Variants in NOX4 observed in about 807,000 individuals in gnomAD.
NOX4 encodes the protein kidney oxidase-1.
A neutral mutation model predicts 87.6 loss-of-function variants in NOX4; 69 were observed. The ratio of observed to expected loss-of-function variants is 0.79; its 90% confidence interval spans 0.65 to 0.96. NOX4 has a LOEUF of 0.96. NOX4 is among the 40% of genes least tolerant of loss of function. The probability of loss-of-function intolerance (pLI) is 0.00; values close to 1 mark genes in which losing one functional copy is unlikely to be tolerated. For missense variants in NOX4, 680 were observed against 681.5 expected, an observed-to-expected ratio of 1.00 and a Z score of 0.02; for synonymous variants, 275 against 238.2, an observed-to-expected ratio of 1.15 and a Z score of -1.42.
At chr11:89,450,679 G>C (rs1208270414) in intron 3 of NOX4, among the ~76,000 whole-genome samples, 1 of 151,238 alleles carries the variant, frequency 6.6e-6, no homozygotes, top group South Asian at 2.1e-4. Context: ...CCGTTAACTC[G>C]TCATTTAGCA....
chr11:89,471,113 A>C (rs1945920695), intron 2 of NOX4, among the ~76,000 whole-genome samples: 1 of 152,140 alleles, frequency 6.6e-6, no homozygotes, highest in Admixed American at 6.6e-5. Flanking sequence ...CCTTTTACAT[A>C]TATTTAGACA....
At chr11:89,453,533 A>G (rs1945057982) in intron 2 of NOX4, among the ~76,000 whole-genome samples, 1 of 152,208 alleles carries the variant, frequency 6.6e-6, no homozygotes, top group Non-Finnish European at 1.5e-5. Flanking sequence ...TTATGTTCAT[A>G]CTAAAACAAA....
intron 2 of NOX4, among the ~76,000 whole-genome samples, chr11:89,486,172 T>C (rs191083264): frequency 9.4e-4 from 138 of 147,446 alleles, no homozygotes; most frequent in African/African-American, 3.1e-3. Context: ...GTAAATACTT[T>C]CACCTTCATT....
the NOX4 span, among the ~76,000 whole-genome samples, chr11:89,562,033 T>C: frequency 6.6e-6 from 1 of 152,140 alleles, no homozygotes; most frequent in Non-Finnish European, 1.5e-5. Flanking sequence ...TTTTGTTAGA[T>C]AAACAGCAAT....
At chr11:89,449,817 C>T (rs991210067) in intron 3 of NOX4, among the ~76,000 whole-genome samples, 1 of 151,996 alleles carries the variant, frequency 6.6e-6, no homozygotes, top group East Asian at 1.9e-4. Context: ...ACACTAATGG[C>T]ATTAGATGTT....
the NOX4 span, among the ~76,000 whole-genome samples, chr11:89,571,026 C>T: frequency 2.0e-5 from 3 of 152,208 alleles, no homozygotes; most frequent in Admixed American, 6.5e-5. Flanking sequence ...TGCTCAGTTA[C>T]GTTCATGAAA....
intron 11 of NOX4, among the ~76,000 whole-genome samples, chr11:89,377,960 T>C (rs1330319309): frequency 6.6e-6 from 1 of 152,110 alleles, no homozygotes; most frequent in Non-Finnish European, 1.5e-5. Flanking sequence ...TTCTCCTAAT[T>C]CCCATATATC....
intron 13 of NOX4, among the ~76,000 whole-genome samples, chr11:89,345,355 T>G (rs1227816737): frequency 6.6e-6 from 1 of 152,142 alleles, no homozygotes; most frequent in Non-Finnish European, 1.5e-5. Flanking sequence ...GTTTTTGACT[T>G]TATGATGGAG....
intron 12 of NOX4, among the ~76,000 whole-genome samples, chr11:89,367,142 C>G (rs1179235618): frequency 2.0e-5 from 3 of 152,106 alleles, no homozygotes; most frequent in African/African-American, 7.2e-5. Flanking sequence ...TCCACATAGA[C>G]TCACAAGAGG....
the NOX4 span, among the ~76,000 whole-genome samples, chr11:89,506,756 T>A: frequency 4.6e-5 from 7 of 151,754 alleles, no homozygotes; most frequent in Admixed American, 4.6e-4. Context: ...AATAGTCCAA[T>A]GAAAAATACA....
Position 89,382,208 on chromosome 11 carries a change from C to T in NOX4, c.1075-8716G>A, listed in dbSNP as rs149528908. Reference sequence around the variant, plus strand: ...CTACCCTTTCTTTTCTCTGGGCTTGCCTTCTTCACTATGGGCAACCTTCCA... The same window carrying T: ...CTACCCTTTCTTTTCTCTGGGCTTGTCTTCTTCACTATGGGCAACCTTCCA... On this transcript the variant is annotated intron_variant, in intron 11 of 17. Transcript: ENST00000263317. Among the ~76,000 whole-genome samples the T allele has an allele frequency of 7.2e-3, 1,089 of 152,060 alleles. 12 individuals carry two copies. Among genetic ancestry groups the T allele is most frequent in the African/African-American group, 0.024 (1,015 of 41,488 alleles).
intron 11 of NOX4, 141 bp downstream of exon 11, chr11:89,399,876 T>C (rs1242980136): frequency 1.7e-6 from 1 of 574,554 alleles, no homozygotes; most frequent in African/African-American, 1.9e-5. Flanking sequence ...ATAACTATTT[T>C]CCTTGTAAAA....
the NOX4 span, among the ~76,000 whole-genome samples, chr11:89,572,589 G>T: frequency 1.7e-4 from 26 of 152,062 alleles, no homozygotes; most frequent in African/African-American, 6.3e-4. Context: ...TCACTCTGTC[G>T]CCCAGGCTGG....
chr11:89,427,853 C>T (rs1306721075), intron 7 of NOX4, among the ~76,000 whole-genome samples: 1 of 152,108 alleles, frequency 6.6e-6, no homozygotes, highest in African/African-American at 2.4e-5. Context: ...TATTCAAATT[C>T]AGGAAATACA....
chr11:89,378,482 C>T (rs535225128), intron 11 of NOX4, among the ~76,000 whole-genome samples: 2 of 152,194 alleles, frequency 1.3e-5, no homozygotes, highest in African/African-American at 4.8e-5. Context: ...CAGTCTAGCC[C>T]TTTATTTTTA....
intron 8 of NOX4, among the ~76,000 whole-genome samples, chr11:89,412,133 A>G (rs1391327814): frequency 6.6e-6 from 1 of 152,168 alleles, no homozygotes; most frequent in East Asian, 1.9e-4. Context: ...TTGTAAATAT[A>G]TATACACCCA....
intron 17 of NOX4, among the ~76,000 whole-genome samples, chr11:89,334,925 G>C (rs1446798755): frequency 6.6e-6 from 1 of 151,550 alleles, no homozygotes; most frequent in African/African-American, 2.4e-5. Flanking sequence ...CAACTTAAAT[G>C]AAAGAAAAAG....
the NOX4 span, among the ~76,000 whole-genome samples, chr11:89,575,157 T>C: frequency 4.6e-5 from 7 of 151,708 alleles, no homozygotes; most frequent in Admixed American, 1.3e-4. Flanking sequence ...CACTCCCGAC[T>C]GAGCAGCAAG....
rs567923821 is a variant in NOX4, at chr11:89,438,409, A to C, written c.475+2279T>G. On this transcript the variant is annotated intron_variant, in intron 6 of 17. Coordinates refer to ENST00000263317, the MANE Select transcript of NOX4 (RefSeq NM_016931.5). ...TATATAATTATAATATAAATAATATATAATATATAATTATAATATAATATA... is the reference window on the plus strand; with the variant it reads ...TATATAATTATAATATAAATAATATCTAATATATAATTATAATATAATATA... Among the ~76,000 whole-genome samples, 82 of 113,242 alleles carry C rather than the reference A, an allele frequency of 7.2e-4. 1 individual carries two copies. Among genetic ancestry groups the C allele is most frequent in the African/African-American group, 2.6e-3 (72 of 27,548 alleles). 74.3% of individuals were successfully genotyped at this position (113,242 alleles called of 152,430 possible). A position where few individuals can be genotyped will look rare whatever the true frequency, so the allele number is the denominator to read the frequency against.
Sources: gnomAD v4.1 joint callset for allele counts (sites outside exome capture counted in the v4.1 genomes callset) on GRCh38, gnomAD v4.1.1 for gene constraint, MANE v1.5 for transcripts, NCBI Gene and HGNC (gene_info 2026-07-23, HGNC 2026-07-21) for gene names.